The following CCDC15 variants were observed in gnomAD, a reference collection of about 807,000 sequenced individuals.
The protein encoded by CCDC15 is coiled-coil domain containing 15, also known as coiled-coil domain-containing protein 15.
Under a neutral mutation model 114.5 loss-of-function variants are expected in CCDC15, and 105 were observed. The observed-to-expected ratio is 0.92, with a 90% confidence interval of 0.78 to 1.08. CCDC15 has a LOEUF of 1.08. CCDC15 is among the 50% of genes least tolerant of loss of function. The pLI is 0.00. For missense variants in CCDC15, 1,105 were observed against 1,093.6 expected (o/e 1.01, Z -0.15); for synonymous variants, 334 against 377.8 (o/e 0.88, Z 1.34).
chr11:125,014,254 G>C lies in CCDC15; in HGVS notation c.2411+9042G>C, dbSNP rs570196684. Among the ~76,000 whole-genome samples, 13 of 152,286 alleles carry C rather than the reference G, an allele frequency of 8.5e-5. No individual in the cohort carries two copies. The East Asian group carries it at 2.5e-3, about 29-fold the overall frequency. On this transcript the variant is annotated intron_variant, in intron 13 of 15. Coordinates refer to ENST00000344762, the MANE Select transcript of CCDC15 (RefSeq NM_025004.3). ...TCTGCTGATGTCTGGACCAGATTAA[G>C]ATGATGAACTGTGTACTTTCTGCCT... is the stretch of plus-strand genomic sequence containing the variant.
At chr11:124,993,424 G>T (rs1948305645) in intron 11 of CCDC15, among the ~76,000 whole-genome samples, 181 bp downstream of exon 11, 1 of 152,100 alleles carries the variant, frequency 6.6e-6, no homozygotes, top group Non-Finnish European at 1.5e-5. Context: ...ACGTTCTTTT[G>T]TTCTGTGATG....
chr11:125,014,576 C>G (rs539104409), intron 13 of CCDC15, among the ~76,000 whole-genome samples: 29 of 152,004 alleles, frequency 1.9e-4, no homozygotes, highest in African/African-American at 7.0e-4. Flanking sequence ...AAAATAGAAT[C>G]CAATAGAAAA....
chr11:124,991,964 G>A (rs746443290), intron 9 of CCDC15, among the ~76,000 whole-genome samples: 4 of 152,168 alleles, frequency 2.6e-5, no homozygotes, highest in African/African-American at 2.4e-5. Flanking sequence ...GTTTACAGGC[G>A]TAAGCCACTG....
rs35483983 is a variant in CCDC15, at chr11:124,986,691, TTG to T, written c.754-42_754-41del. ...GCTGTGTGTGTGTGTGTGTGTGTGT[TTG>T]TGTGTGTGCGCGCGCGCGCGTGCGC... is the stretch of plus-strand genomic sequence containing the variant. On this transcript the variant is annotated intron_variant, in intron 6 of 15. Transcript: ENST00000344762. The T allele has an allele frequency of 5.3e-5, 65 of 1,223,006 alleles. 3 individuals are homozygous for T. In the South Asian group the frequency reaches 8.7e-4, roughly 16 times the overall value. The allele number at this position is 1,223,006 out of a possible 1,614,324, so 75.8% of individuals were successfully genotyped here.
intron 6 of CCDC15, among the ~76,000 whole-genome samples, chr11:124,985,222 G>C (rs12794287): frequency 0.073 from 9,909 of 135,282 alleles, 432 homozygotes; most frequent in African/African-American, 0.16. Context: ...TTGTATAGAT[G>C]TACCACATTT....
At chr11:125,011,321 T>A (rs1178545614) in intron 13 of CCDC15, among the ~76,000 whole-genome samples, 1 of 151,480 alleles carries the variant, frequency 6.6e-6, no homozygotes, top group African/African-American at 2.4e-5. Context: ...CACTGCAACC[T>A]CCACCTCCCG....
intron 11 of CCDC15, among the ~76,000 whole-genome samples, chr11:124,996,357 CT>C (rs1948368570): frequency 6.6e-6 from 1 of 152,134 alleles, no homozygotes; most frequent in Admixed American, 6.6e-5. Flanking sequence ...TAACCATTTA[CT>C]TTCTTTTTGT....
chr11:125,036,027 T>C (rs943263972), intron 13 of CCDC15, among the ~76,000 whole-genome samples: 4 of 149,448 alleles, frequency 2.7e-5, no homozygotes, highest in African/African-American at 9.9e-5. Context: ...ACAATTACAG[T>C]GTTTTGATAT....
At chr11:124,990,091 A>C (rs1948242797) in intron 8 of CCDC15, among the ~76,000 whole-genome samples, 1 of 152,174 alleles carries the variant, frequency 6.6e-6, no homozygotes, top group South Asian at 2.1e-4. Flanking sequence ...TGTTGCTTTA[A>C]AGTGGGAGAC....
chr11:124,964,547 C>T (rs940456397), intron 4 of CCDC15, among the ~76,000 whole-genome samples: 5 of 152,106 alleles, frequency 3.3e-5, no homozygotes, highest in African/African-American at 4.8e-5. Flanking sequence ...TGGGCTGAGT[C>T]GATGGGGTTT....
At chr11:124,992,548 T>A in intron 9 of CCDC15, 32 bp from the exon 10 acceptor site, 1 of 1,337,640 alleles carries the variant, frequency 7.5e-7, no homozygotes. Context: ...TTTTTTCTGT[T>A]GTTGTTTTTC....
intron 8 of CCDC15, among the ~76,000 whole-genome samples, chr11:124,989,744 A>G (rs1259216471): frequency 6.6e-6 from 1 of 152,174 alleles, no homozygotes; most frequent in African/African-American, 2.4e-5. Flanking sequence ...CTTAAACCTC[A>G]TGAACCAACC....
chr11:124,954,516 A>G (rs567653811), intron 1 of CCDC15, 146 bp downstream of exon 1: 2 of 429,896 alleles, frequency 4.7e-6, no homozygotes, highest in East Asian at 4.3e-5. Flanking sequence ...AAGGCAACTT[A>G]AAAACCTTTC....
chr11:124,994,068 G>T (rs1340013319), intron 11 of CCDC15, among the ~76,000 whole-genome samples: 1 of 152,130 alleles, frequency 6.6e-6, no homozygotes, highest in Non-Finnish European at 1.5e-5. Context: ...GATTACTTCA[G>T]GGCTATCACT....
At chr11:125,034,170 G>A (rs1457186185) in intron 13 of CCDC15, among the ~76,000 whole-genome samples, 1 of 152,218 alleles carries the variant, frequency 6.6e-6, no homozygotes, top group African/African-American at 2.4e-5. Flanking sequence ...TGATAGGAAT[G>A]TGGGTCGGGG....
chr11:125,004,402 G>A (rs1948527027), intron 12 of CCDC15, among the ~76,000 whole-genome samples: 1 of 151,798 alleles, frequency 6.6e-6, no homozygotes, highest in African/African-American at 2.4e-5. Flanking sequence ...TGAAAACGGA[G>A]GTTTAGGGCA....
chr11:124,999,154 A>G (rs1172653052), intron 11 of CCDC15, among the ~76,000 whole-genome samples: 3 of 152,116 alleles, frequency 2.0e-5, no homozygotes, highest in Non-Finnish European at 4.4e-5. Context: ...TTGTTCTTCT[A>G]TATGTAATGT....
intron 13 of CCDC15, among the ~76,000 whole-genome samples, chr11:125,021,949 T>C (rs1006246619): frequency 3.3e-5 from 5 of 151,938 alleles, no homozygotes; most frequent in Admixed American, 1.3e-4. Flanking sequence ...TTTTATCATT[T>C]ACTTTTTTTA....
At chr11:124,998,113 T>A (rs12421808) in intron 11 of CCDC15, among the ~76,000 whole-genome samples, 16,284 of 152,172 alleles carry the variant, frequency 0.11, 1,337 homozygotes, top group East Asian at 0.4. Context: ...GAAATTTAGC[T>A]GAGATTTGCA....
Sources: allele counts gnomAD v4.1 joint callset (sites outside exome capture counted in the v4.1 genomes callset), GRCh38; gene constraint gnomAD v4.1.1; transcripts MANE v1.5; gene names NCBI Gene and HGNC (gene_info 2026-07-23, HGNC 2026-07-21).